The following ADARB2 variants were observed in gnomAD, a reference collection of about 807,000 sequenced individuals.
The protein encoded by ADARB2 is inactive double-stranded RNA-specific editase B2.
Under a neutral mutation model 62.2 loss-of-function variants are expected in ADARB2, and 25 were observed. The observed-to-expected ratio is 0.40, with a 90% CI of 0.29 to 0.56. The LOEUF (loss-of-function observed/expected upper bound fraction) is 0.56, where lower values mean the gene tolerates loss of function less well. ADARB2 is among the 20% of genes least tolerant of loss of function. The pLI is 0.43. For missense variants in ADARB2, 1,071 were observed against 1,077.4 expected (o/e 0.99, Z 0.08); for synonymous variants, 572 against 500.8 (o/e 1.14, Z -1.90).
chr10:1,419,146 C>T (rs1218330023), intron 1 of ADARB2, among the ~76,000 whole-genome samples: 1 of 152,032 alleles, frequency 6.6e-6, no homozygotes, highest in Non-Finnish European at 1.5e-5. Context: ...CAGGCTGGAG[C>T]ACAATGGCAT....
intron 6 of ADARB2, 145 bp downstream of exon 6, chr10:1,233,549 C>G (rs758922628): frequency 1.7e-5 from 15 of 860,024 alleles, no homozygotes; most frequent in East Asian, 2.8e-5. Flanking sequence ...GGTTATCCCA[C>G]TAATTGTAGA....
Position 1,397,067 on chromosome 10 carries a change from C to T in ADARB2, c.101-17907G>A, listed in dbSNP as rs12217165. On this transcript the variant is annotated intron_variant, in intron 1 of 9. Transcript: ENST00000381312. ...AGGCTTCCTGGGTCACCGTCCGTCT[C>T]TCCCCTCCCGAGCGCAGGCTTCCTG... 2.1e-4 allele frequency among the ~76,000 whole-genome samples: 3 copies of T among 14,542 alleles called. No homozygotes were observed. In the East Asian group the frequency reaches 5.9e-3, roughly 28 times the overall value. 9.5% of individuals were successfully genotyped at this position (14,542 alleles called of 152,430 possible).
chr10:1,403,252 G>A (rs144416015), intron 1 of ADARB2, among the ~76,000 whole-genome samples: 14 of 152,296 alleles, frequency 9.2e-5, no homozygotes, highest in African/African-American at 3.4e-4. Context: ...CAACCAAAGA[G>A]GTCCTGATTC....
chr10:1,487,493 C>A (rs1831559238), intron 1 of ADARB2, among the ~76,000 whole-genome samples: 1 of 152,154 alleles, frequency 6.6e-6, no homozygotes, highest in African/African-American at 2.4e-5. Flanking sequence ...TCACCCATGC[C>A]CTGCCCTGAC....
intron 1 of ADARB2, among the ~76,000 whole-genome samples, chr10:1,455,560 G>T (rs943669814): frequency 6.6e-6 from 1 of 152,166 alleles, no homozygotes; most frequent in Non-Finnish European, 1.5e-5. Flanking sequence ...TAAGTTGGAG[G>T]TATTGCTGTT....
At chr10:1,696,881 C>T (rs1834753085) in intron 1 of ADARB2, among the ~76,000 whole-genome samples, 4 of 152,218 alleles carry the variant, frequency 2.6e-5, no homozygotes, top group South Asian at 2.1e-4. Context: ...GTCCAACCTG[C>T]AGCCTATGGG....
In ADARB2 at chr10:1,621,420, C is replaced by CTT. The variant is rs575676337; in HGVS notation, c.100+115629_100+115630dup. Reference sequence around the variant, plus strand: ...TTCTTCTTTTTCTTTTTCTTTCTTTCTTTTTTTTTTTTTGAGACAGGGTCT... The same window carrying CTT: ...TTCTTCTTTTTCTTTTTCTTTCTTTCTTTTTTTTTTTTTTTGAGACAGGGTCT... On this transcript the variant is annotated intron_variant, in intron 1 of 9. Coordinates refer to ENST00000381312, the MANE Select transcript of ADARB2 (RefSeq NM_018702.4). Among the ~76,000 whole-genome samples, 438 of 144,420 alleles carry CTT rather than the reference C, an allele frequency of 3.0e-3. 3 individuals are homozygous for CTT. The highest frequency in any genetic ancestry group is 0.01 in the African/African-American group (404 of 39,540). 94.7% of individuals were successfully genotyped at this position (144,420 alleles called of 152,430 possible).
intron 3 of ADARB2, among the ~76,000 whole-genome samples, chr10:1,285,082 TC>T (rs1348506273): frequency 6.6e-6 from 1 of 152,160 alleles, no homozygotes; most frequent in Non-Finnish European, 1.5e-5. Flanking sequence ...TAAAACCTGT[TC>T]AAAAAAGCCT....
intron 1 of ADARB2, among the ~76,000 whole-genome samples, chr10:1,384,815 G>A (rs1832512190): frequency 6.6e-6 from 1 of 152,162 alleles, no homozygotes; most frequent in South Asian, 2.1e-4. Flanking sequence ...GCCACTGCTG[G>A]ATTTGGTTGA....
chr10:1,644,612 C>T (rs1415365018), intron 1 of ADARB2, among the ~76,000 whole-genome samples: 3 of 152,234 alleles, frequency 2.0e-5, no homozygotes, highest in African/African-American at 7.2e-5. Flanking sequence ...TTGTCTTGTC[C>T]TGCCAGGCGC....
chr10:1,693,576 G>T (rs917373028), intron 1 of ADARB2, among the ~76,000 whole-genome samples: 1 of 152,164 alleles, frequency 6.6e-6, no homozygotes, highest in Non-Finnish European at 1.5e-5. Flanking sequence ...TTTTCCAAAA[G>T]AAGTTAATGG....
At chr10:1,506,481 C>A (rs983644184) in intron 1 of ADARB2, among the ~76,000 whole-genome samples, 1 of 152,180 alleles carries the variant, frequency 6.6e-6, no homozygotes. Context: ...AACTCTGCAG[C>A]GCTTTTCTGT....
In ADARB2 at chr10:1,630,331, C is replaced by A. The variant is rs970496953; in HGVS notation, c.100+106720G>T. ...CAGGATAATTTCAGATGGTGATCAACGCAGTACAGAAGCAAGGCAGGGCAT... is the reference window on the plus strand; with the variant it reads ...CAGGATAATTTCAGATGGTGATCAAAGCAGTACAGAAGCAAGGCAGGGCAT... On this transcript the variant is annotated intron_variant, in intron 1 of 9. Coordinates refer to ENST00000381312, the MANE Select transcript of ADARB2 (RefSeq NM_018702.4). 2.0e-5 allele frequency among the ~76,000 whole-genome samples: 3 copies of A among 152,010 alleles called. No homozygotes were observed. In the South Asian group the frequency reaches 6.2e-4, roughly 32 times the overall value.
chr10:1,221,398 A>G (rs1052095934), intron 6 of ADARB2, among the ~76,000 whole-genome samples: 7 of 137,900 alleles, frequency 5.1e-5, no homozygotes, highest in Admixed American at 4.9e-4. Context: ...TTAGATGCTC[A>G]TTTCTTTTTT....
chr10:1,512,983 A>G (rs34357654), intron 1 of ADARB2, among the ~76,000 whole-genome samples: 17,693 of 152,212 alleles, frequency 0.12, 1,384 homozygotes, highest in East Asian at 0.32. Context: ...GAGAGTGACG[A>G]TGTCTGGAGA....
rs1564350926 is a variant in ADARB2 at position 1,626,261 on chromosome 10, A to ACGTTCTCTCC, written c.100+110789_100+110790insGGAGAGAACG. On this transcript the variant is annotated intron_variant, in intron 1 of 9. Coordinates refer to ENST00000381312, the MANE Select transcript of ADARB2 (RefSeq NM_018702.4). ...TCAGACGCTAACCCCACATCTGCCC[A>ACGTTCTCTCC]TGCTCTCTCCTGCATGGACACAGGC... Among the ~76,000 whole-genome samples, 5 of 123,916 alleles carry ACGTTCTCTCC rather than the reference A, an allele frequency of 4.0e-5. 1 individual carries two copies. Among genetic ancestry groups the ACGTTCTCTCC allele is most frequent in the Admixed American group, 1.6e-4 (2 of 12,150 alleles). The allele number at this position is 123,916 out of a possible 152,430, so 81.3% of individuals were successfully genotyped here.
intron 1 of ADARB2, among the ~76,000 whole-genome samples, chr10:1,577,526 C>T (rs1051772901): frequency 9.9e-5 from 15 of 152,198 alleles, no homozygotes; most frequent in Admixed American, 9.8e-4. Flanking sequence ...GGGGCTTGTC[C>T]CCAGACTAGC....
At position 1,363,383 on chromosome 10, in the gene ADARB2, G is replaced by C; in HGVS notation, c.722C>G (p.Pro241Arg). Residue 241 changes from proline to arginine, a missense_variant, in exon 3 of 10, where the codon CCC becomes CGC. Pro to Arg is a moderately radical substitution (Grantham distance 103). Transcript: ENST00000381312. ...APRPGLAGGR[P>R]GDAALLSAAY... ...CGCGGACAGAAGCGCGGCGTCCCCGGGGCGGCCTCCCGCGAGTCCGGGGCG... is the reference window on the plus strand; with the variant it reads ...CGCGGACAGAAGCGCGGCGTCCCCGCGGCGGCCTCCCGCGAGTCCGGGGCG... The C allele has an allele frequency of 1.5e-6, 2 of 1,334,180 alleles. No individual in the cohort carries two copies. Among genetic ancestry groups the C allele is most frequent in the Non-Finnish European group, 1.9e-6 (2 of 1,041,558 alleles). The allele number at this position is 1,334,180 out of a possible 1,614,324, so 82.6% of individuals were successfully genotyped here.
At chr10:1,516,517 C>T (rs754643444) in intron 1 of ADARB2, among the ~76,000 whole-genome samples, 1 of 151,166 alleles carries the variant, frequency 6.6e-6, no homozygotes, top group Non-Finnish European at 1.5e-5. Context: ...GTGCGGGCTG[C>T]TCTGTGCTGT....
Sources: allele counts gnomAD v4.1 joint callset (sites outside exome capture counted in the v4.1 genomes callset), GRCh38; gene constraint gnomAD v4.1.1; transcripts MANE v1.5; gene names NCBI Gene and HGNC (gene_info 2026-07-23, HGNC 2026-07-21).